Variants in RYR2 observed in about 807,000 individuals in gnomAD.
RYR2 encodes the protein ryanodine receptor 2.
A neutral mutation model predicts 601.1 loss-of-function variants in RYR2; 227 were observed. That is an observed-to-expected ratio of 0.38 (90% CI 0.34 to 0.42). RYR2 has a LOEUF of 0.42. Ranked by LOEUF, RYR2 falls within the 10% of genes least tolerant of loss-of-function variation. RYR2 has a pLI of 1.00. For missense variants in RYR2, 4,646 were observed against 6,156.5 expected, an observed-to-expected ratio of 0.75 and a Z score of 8.21; for synonymous variants, 2,223 against 2,175.1, an observed-to-expected ratio of 1.02 and a Z score of -0.61.
chr1:237,154,388 T>C (rs1213547375), intron 1 of RYR2, among the ~76,000 whole-genome samples: 1 of 152,194 alleles, frequency 6.6e-6, no homozygotes, highest in African/African-American at 2.4e-5. Flanking sequence ...AAACCTGCAG[T>C]GATTCAGTGA....
At position 237,624,327 on chromosome 1, in the gene RYR2, T is replaced by C. The variant is rs74147123; in HGVS notation, c.6022+457T>C. On this transcript the variant is annotated intron_variant, in intron 39 of 104. Coordinates refer to ENST00000366574, the MANE Select transcript of RYR2 (RefSeq NM_001035.3). ...AATTCTGTTAAGAGGGTAGATGTCATGTTAAGTATTCTTAAAACAACAACA... is the reference window on the plus strand; with the variant it reads ...AATTCTGTTAAGAGGGTAGATGTCACGTTAAGTATTCTTAAAACAACAACA... Among the ~76,000 whole-genome samples the C allele has an allele frequency of 9.3e-3, 1,422 of 152,282 alleles. 22 individuals are homozygous for C. The highest frequency in any genetic ancestry group is 0.033 in the African/African-American group (1,363 of 41,546).
Position 237,678,061 on chromosome 1 carries a change from A to T in RYR2, c.8844A>T (p.Arg2948Ser). 6.2e-7 allele frequency: 1 copy of T among 1,601,792 alleles called. No homozygotes were observed. The highest frequency in any genetic ancestry group is 8.5e-7 in the Non-Finnish European group (1 of 1,169,986). Residue 2948 changes from arginine (R) to serine (S), a missense_variant, in exon 61 of 105, where the codon AGA (arginine) becomes AGT (serine). By Grantham distance (110) the Arg-to-Ser change is moderately radical (BLOSUM62 -1). Transcript: ENST00000366574. ...TCAAATCTACAGATGGTGGCAGCAG[A>T]GGCAAAGGAGAACATTTCCCTTATG... ...QYILEFDGGS[R>S]GKGEHFPYEQ... is the part of the protein sequence containing the mutation.
intron 1 of RYR2, among the ~76,000 whole-genome samples, chr1:237,064,216 C>A (rs1049155157): frequency 1.3e-5 from 2 of 151,818 alleles, no homozygotes; most frequent in South Asian, 4.2e-4. Context: ...GGAGTATTTC[C>A]CACTGACCTT....
intron 1 of RYR2, among the ~76,000 whole-genome samples, chr1:237,264,045 G>A (rs950196754): frequency 1.3e-5 from 2 of 151,342 alleles, no homozygotes; most frequent in Non-Finnish European, 2.9e-5. Flanking sequence ...CAGCAGTCAA[G>A]CTAACTTTGC....
intron 1 of RYR2, among the ~76,000 whole-genome samples, chr1:237,233,718 G>A (rs530808560): frequency 6.6e-6 from 1 of 152,162 alleles, no homozygotes; most frequent in South Asian, 2.1e-4. Context: ...GCAGTGGTGC[G>A]ATCTCAGCTC....
intron 79 of RYR2, among the ~76,000 whole-genome samples, chr1:237,736,985 G>A (rs1414502592): frequency 6.6e-6 from 1 of 151,978 alleles, no homozygotes; most frequent in Non-Finnish European, 1.5e-5. Flanking sequence ...GAAGAAAGAG[G>A]GAGGTGAGAA....
chr1:237,085,671 G>A (rs888654157), intron 1 of RYR2, among the ~76,000 whole-genome samples: 5 of 152,322 alleles, frequency 3.3e-5, no homozygotes, highest in South Asian at 4.1e-4. Context: ...GATCTCAGTT[G>A]GAGGGGCCTG....
chr1:237,208,651 G>A (rs1214194438), intron 1 of RYR2, among the ~76,000 whole-genome samples: 1 of 151,708 alleles, frequency 6.6e-6, no homozygotes, highest in Non-Finnish European at 1.5e-5. Context: ...GTGAAATGAC[G>A]ACCAAAACCA....
At chr1:237,160,989 T>A (rs188942177) in intron 1 of RYR2, among the ~76,000 whole-genome samples, 106 of 152,294 alleles carry the variant, frequency 7.0e-4, no homozygotes, top group African/African-American at 2.4e-3. Context: ...ACGGCAGTTG[T>A]TTTCTTTACA....
intron 29 of RYR2, among the ~76,000 whole-genome samples, chr1:237,585,991 A>T (rs923992567): frequency 1.1e-4 from 17 of 152,222 alleles, no homozygotes; most frequent in African/African-American, 3.9e-4. Flanking sequence ...CTTTTAATAC[A>T]TCTCTCCTAC....
intron 102 of RYR2, among the ~76,000 whole-genome samples, chr1:237,829,367 A>C (rs966599251): frequency 1.3e-5 from 2 of 152,202 alleles, no homozygotes; most frequent in African/African-American, 4.8e-5. Flanking sequence ...GGAGTTGGGC[A>C]AGTACTGCCT....
intron 54 of RYR2, among the ~76,000 whole-genome samples, chr1:237,658,601 C>T (rs978465332): frequency 6.6e-6 from 1 of 152,114 alleles, no homozygotes; most frequent in African/African-American, 2.4e-5. Flanking sequence ...CTATGTTGCC[C>T]AGGCTGGTCT....
chr1:237,569,135 C>T lies in RYR2; in HGVS notation c.3424-10C>T, dbSNP rs1422234796. On this transcript the variant is annotated splice_polypyrimidine_tract_variant and intron_variant, in intron 28 of 104. Coordinates refer to ENST00000366574, the MANE Select transcript of RYR2 (RefSeq NM_001035.3). ...GTCTGTGACAAGGGACTTTTCTGTC[C>T]TCTGTATAGGCCCAGCGGTGGCATC... 1.2e-6 allele frequency: 2 copies of T among 1,607,524 alleles called. No homozygotes were observed. The highest frequency in any genetic ancestry group is 2.2e-5 in the East Asian group (1 of 44,704).
chr1:237,830,461 T>C (rs1371286798), intron 102 of RYR2, 69 bp from the exon 103 acceptor site: 6 of 909,604 alleles, frequency 6.6e-6, no homozygotes, highest in Non-Finnish European at 1.1e-5. Flanking sequence ...TGCCCCTACA[T>C]GGCGAGTTGT....
intron 62 of RYR2, 112 bp from the exon 63 acceptor site, chr1:237,687,343 G>GT (rs982048522): frequency 3.2e-3 from 1,855 of 574,112 alleles, no homozygotes; most frequent in East Asian, 6.8e-3. Flanking sequence ...TATATCAGCT[G>GT]TTTTTTTTTC....
chr1:237,289,126 C>T (rs908392107), intron 2 of RYR2, among the ~76,000 whole-genome samples: 1 of 152,182 alleles, frequency 6.6e-6, no homozygotes, highest in Non-Finnish European at 1.5e-5. Context: ...TTTCCTACTT[C>T]CATGGTTGGG....
chr1:237,495,439 A>G (rs893562452), intron 19 of RYR2, among the ~76,000 whole-genome samples: 25 of 152,336 alleles, frequency 1.6e-4, no homozygotes, highest in African/African-American at 6.0e-4. Flanking sequence ...TTTAAAATAA[A>G]TCAATTACAT....
chr1:237,307,868 C>A (rs1019636682), intron 2 of RYR2, among the ~76,000 whole-genome samples: 1 of 152,080 alleles, frequency 6.6e-6, no homozygotes, highest in African/African-American at 2.4e-5. Context: ...CAACATTGTG[C>A]AATAAAGTTT....
rs745569662 is a variant in RYR2, at chr1:237,614,317, C to T, written c.5189C>T (p.Thr1730Met). 2.3e-5 allele frequency: 37 copies of T among 1,613,862 alleles called. No individual in the cohort carries two copies. Among genetic ancestry groups the T allele is most frequent in the Non-Finnish European group, 2.4e-5 (28 of 1,179,900 alleles). The change falls in exon 37 of 105, where the codon ACG (threonine) becomes ATG (methionine). Residue 1730 changes from threonine (T) to methionine (M), a missense_variant. Thr to Met is a moderately conservative substitution (Grantham distance 81). This residue lies in a region of RYR2 where 1,807 missense variants were observed against 2,088.1 expected (regional missense o/e 0.87). Transcript: ENST00000366574. This position sits in a 1 kb window ranked among gnomAD's most constrained non-coding sequence, Gnocchi z 4.3. ...MMNNEYIVPM[T>M]EETKSITLFP... ...AACAACGAGTACATTGTCCCCATGA[C>T]GGAGGAGACGAAGAGCATCACCCTG...
Sources: allele counts gnomAD v4.1 joint callset (sites outside exome capture counted in the v4.1 genomes callset), GRCh38; gene constraint gnomAD v4.1.1; regional missense constraint gnomAD v4.1.1; non-coding constraint Gnocchi (gnomAD v3.1); transcripts MANE v1.5; gene names NCBI Gene and HGNC (gene_info 2026-07-23, HGNC 2026-07-21).